The following MORF4L2 variants were observed in gnomAD, a reference collection of about 807,000 sequenced individuals.
MORF4L2 encodes the protein mortality factor 4-like protein 2.
Under a neutral mutation model 12.0 loss-of-function variants are expected in MORF4L2, and 1 was observed. The observed-to-expected ratio is 0.08, with a 90% CI of 0.03 to 0.40. The LOEUF is 0.40. Ranked by LOEUF, MORF4L2 falls within the 10% of genes least tolerant of loss-of-function variation. The pLI is 0.98. For missense variants in MORF4L2, 123 were observed against 214.0 expected (o/e 0.57, Z 2.65); for synonymous variants, 69 against 81.6 (o/e 0.85, Z 0.83).
At chrX:103,686,294 T>C (rs2074106239) in intron 1 of MORF4L2, among the ~76,000 whole-genome samples, 1 of 111,844 alleles carries the variant, frequency 8.9e-6, no homozygotes. Context: ...GCACTACAAT[T>C]AGCGAATTTA....
At chrX:103,677,087 T>C (rs2073864870) in intron 3 of MORF4L2, 36 bp from the exon 4 acceptor site, 3 of 988,295 alleles carry the variant, frequency 3.0e-6, no homozygotes, top group African/African-American at 4.0e-5. Context: ...GGTTGTTTTC[T>C]ATGGCAACCT....
At chrX:103,681,419 C>A (rs772338677) in intron 2 of MORF4L2, among the ~76,000 whole-genome samples, 1 of 111,921 alleles carries the variant, frequency 8.9e-6, no homozygotes, top group South Asian at 3.7e-4. Context: ...CATTTTGAGT[C>A]ATATAATAGA....
chrX:103,687,410 G>C (rs941531995), upstream of MORF4L2: 1 of 112,218 alleles, frequency 8.9e-6, no homozygotes, highest in African/African-American at 3.2e-5. Context: ...CGTGGTGCTG[G>C]GGTTGCTGTG....
chrX:103,677,284 T>C (rs1037597670), intron 3 of MORF4L2, among the ~76,000 whole-genome samples: 1 of 111,483 alleles, frequency 9.0e-6, no homozygotes, highest in African/African-American at 3.3e-5. Flanking sequence ...CAACTACCCA[T>C]AAATTACTCT....
chrX:103,686,016 C>T (rs886507619), intron 1 of MORF4L2, among the ~76,000 whole-genome samples: 5 of 110,245 alleles, frequency 4.5e-5, no homozygotes, highest in Non-Finnish European at 9.5e-5. Flanking sequence ...GCGTCTTAAA[C>T]ATATTTTTAC....
At chrX:103,681,704 T>C (rs1474367840) in intron 2 of MORF4L2, among the ~76,000 whole-genome samples, 4 of 111,881 alleles carry the variant, frequency 3.6e-5, no homozygotes, top group Non-Finnish European at 7.5e-5. Flanking sequence ...ATATTTACTA[T>C]GCCTCATGCT....
intron 2 of MORF4L2, among the ~76,000 whole-genome samples, chrX:103,679,159 G>A (rs1262144779): frequency 9.1e-6 from 1 of 110,232 alleles, no homozygotes; most frequent in East Asian, 2.8e-4. Flanking sequence ...ATATTATTAG[G>A]TAAATAGGCA....
At chrX:103,684,175 C>T (rs1383660816) in intron 2 of MORF4L2, among the ~76,000 whole-genome samples, 1 of 112,093 alleles carries the variant, frequency 8.9e-6, no homozygotes, top group Non-Finnish European at 1.9e-5. Flanking sequence ...GTGTGAGTAA[C>T]ATTTTGTTGG....
At chrX:103,681,537 T>C (rs1569409700) in intron 2 of MORF4L2, among the ~76,000 whole-genome samples, 1 of 111,798 alleles carries the variant, frequency 8.9e-6, no homozygotes, top group Admixed American at 9.5e-5. Context: ...GAAAACATTT[T>C]GTGTAAACAT....
intron 2 of MORF4L2, among the ~76,000 whole-genome samples, chrX:103,684,484 C>T (rs965388878): frequency 4.5e-5 from 5 of 111,871 alleles, no homozygotes; most frequent in African/African-American, 6.5e-5. Context: ...GTCATAATTT[C>T]GGAATTCAGT....
At chrX:103,686,070 G>C (rs2147703593) in intron 1 of MORF4L2, among the ~76,000 whole-genome samples, 1 of 107,615 alleles carries the variant, frequency 9.3e-6, no homozygotes, top group East Asian at 2.9e-4. Context: ...CCTACTCATC[G>C]CATGTGGTTC....
chrX:103,676,586 G>T lies in MORF4L2; in HGVS notation c.442C>A (p.Gln148Lys). 8.3e-7 allele frequency: 1 copy of T among 1,211,033 alleles called. No individual in the cohort carries two copies. Among genetic ancestry groups the T allele is most frequent in the Non-Finnish European group, 1.1e-6 (1 of 895,232 alleles). The change falls in exon 4 of 4, where the codon CAA becomes AAA. Residue 148 changes from glutamine to lysine, a missense_variant. Coordinates refer to ENST00000441076, the MANE Select transcript of MORF4L2 (RefSeq NM_012286.3). ...TCTACATTTTTCTTGGCAGGGAGTT[G>T]AAACAGCTGCTTCTGCCTGGTAACT... ...DLVTRQKQLF[Q>K]LPAKKNVDAI...
At chrX:103,677,386 C>T (rs1406134711) in intron 3 of MORF4L2, among the ~76,000 whole-genome samples, 1 of 111,765 alleles carries the variant, frequency 8.9e-6, no homozygotes, top group Non-Finnish European at 1.9e-5. Flanking sequence ...AAATTTAAGA[C>T]TTTTGAACAG....
rs778180150 is a variant in MORF4L2, at chrX:103,676,448, A to G, written c.580T>C (p.Leu194=). 2.8e-5 allele frequency: 34 copies of G among 1,211,699 alleles called. No homozygotes were observed. Among genetic ancestry groups the G allele is most frequent in the Non-Finnish European group, 3.8e-5 (34 of 895,499 alleles). The change falls in exon 4 of 4, where the codon TTG becomes CTG. Residue 194 remains leucine (L), a synonymous_variant. Transcript: ENST00000441076. ...AATTTGTAGAGCAGCTGAGTGCCCA[A>G]CATCACATTGAAATATTCTTTTATT... The part of the protein sequence containing the change: ...AGIKEYFNVM[L]GTQLLYKFER...
chrX:103,683,418 C>G (rs757027314), intron 2 of MORF4L2, among the ~76,000 whole-genome samples: 4 of 112,374 alleles, frequency 3.6e-5, no homozygotes, highest in Non-Finnish European at 7.5e-5. Context: ...AGTGGTATAT[C>G]TGATAGTTCT....
intron 2 of MORF4L2, among the ~76,000 whole-genome samples, chrX:103,684,455 T>A (rs969209053): frequency 8.9e-6 from 1 of 112,244 alleles, no homozygotes; most frequent in South Asian, 3.6e-4. Context: ...CCTTTCTAGA[T>A]TGTTAAGACA....
rs748759307 is a variant in MORF4L2, at chrX:103,676,792, T to C, written c.236A>G (p.Lys79Arg). ...ATCTCCGTTTCCAGGAGTCTTCTGC[T>C]TGTTCTTTCTGGTCTTCCTCACGGA... ...SGSVRKTRKN[K>R]QKTPGNGDGG... The change falls in exon 4 of 4, where the codon AAG (lysine) becomes AGG (arginine). Residue 79 changes from lysine to arginine, a missense_variant. Physicochemically the swap from Lys to Arg is conservative, Grantham distance 26. Transcript: ENST00000441076. 1 of 1,206,858 alleles carries C rather than the reference T, an allele frequency of 8.3e-7. No homozygotes were observed. The highest frequency in any genetic ancestry group is 1.1e-6 in the Non-Finnish European group (1 of 894,488).
chrX:103,687,911 CT>C (rs982397777), upstream of MORF4L2: 3 of 111,257 alleles, frequency 2.7e-5, no homozygotes, highest in African/African-American at 9.9e-5. Flanking sequence ...TACAATTTTC[CT>C]GTGAGAATAT....
At chrX:103,686,416 C>G (rs750063158) in intron 1 of MORF4L2, among the ~76,000 whole-genome samples, 1 of 111,410 alleles carries the variant, frequency 9.0e-6, no homozygotes, top group Non-Finnish European at 1.9e-5. Context: ...CACTATTATA[C>G]AGTACACGTC....
Sources: allele counts gnomAD v4.1 joint callset (sites outside exome capture counted in the v4.1 genomes callset), GRCh38; gene constraint gnomAD v4.1.1; transcripts MANE v1.5; gene names NCBI Gene and HGNC (gene_info 2026-07-23, HGNC 2026-07-21).